The following PBX3 variants were observed in gnomAD, a reference collection of about 807,000 sequenced individuals.
PBX3 encodes the protein pre-B-cell leukemia transcription factor 3.
Under a neutral mutation model 48.5 loss-of-function variants are expected in PBX3, and 14 were observed. The ratio of observed to expected loss-of-function variants is 0.29; its 90% confidence interval spans 0.19 to 0.45. PBX3 has a LOEUF of 0.45. PBX3 is among the 20% of genes least tolerant of loss of function. PBX3 has a pLI of 1.00. For missense variants in PBX3, 386 were observed against 546.7 expected (o/e 0.71, Z 2.93); for synonymous variants, 210 against 200.3 (o/e 1.05, Z -0.41).
At chr9:125,951,050 T>C (rs1295540686) in intron 5 of PBX3, among the ~76,000 whole-genome samples, 1 of 152,220 alleles carries the variant, frequency 6.6e-6, no homozygotes, top group Non-Finnish European at 1.5e-5. Flanking sequence ...TACATAAACT[T>C]TCTGACCTCA....
chr9:125,790,536 G>A (rs1055453078), intron 2 of PBX3, among the ~76,000 whole-genome samples: 3 of 151,536 alleles, frequency 2.0e-5, no homozygotes, highest in South Asian at 2.1e-4. Flanking sequence ...TTACAGGTAT[G>A]AGCCACCGTG....
chr9:125,816,642 G>C (rs1838472419), intron 2 of PBX3, among the ~76,000 whole-genome samples: 1 of 152,154 alleles, frequency 6.6e-6, no homozygotes, highest in Non-Finnish European at 1.5e-5. Context: ...AGAGATTAGT[G>C]CTCGAATCTT....
intron 3 of PBX3, among the ~76,000 whole-genome samples, chr9:125,919,833 C>T (rs1841419180): frequency 6.6e-6 from 1 of 152,174 alleles, no homozygotes; most frequent in African/African-American, 2.4e-5. Flanking sequence ...CAAAGCTAAG[C>T]AGACAGACTA....
intron 2 of PBX3, among the ~76,000 whole-genome samples, chr9:125,868,171 A>G (rs1159878580): frequency 6.7e-6 from 1 of 148,902 alleles, no homozygotes; most frequent in Non-Finnish European, 1.5e-5. Context: ...CACTACACCC[A>G]GACTGCAGTT....
At chr9:125,949,610 T>A (rs1286529630) in intron 5 of PBX3, among the ~76,000 whole-genome samples, 1 of 152,224 alleles carries the variant, frequency 6.6e-6, no homozygotes, top group Non-Finnish European at 1.5e-5. Flanking sequence ...GTTGAAAGCT[T>A]ACTATGCTTT....
chr9:125,946,544 G>C (rs1842067692), intron 5 of PBX3, among the ~76,000 whole-genome samples: 1 of 152,198 alleles, frequency 6.6e-6, no homozygotes, highest in Middle Eastern at 3.4e-3. Context: ...CATAAAAAAA[G>C]GGTCAAATAA....
At chr9:125,892,279 C>T (rs1840666200) in intron 2 of PBX3, among the ~76,000 whole-genome samples, 1 of 152,016 alleles carries the variant, frequency 6.6e-6, no homozygotes, top group South Asian at 2.1e-4. Context: ...TTTTTTTCTA[C>T]CCATTCAGAA....
chr9:125,895,535 A>G (rs1840749888), intron 2 of PBX3, among the ~76,000 whole-genome samples: 1 of 152,042 alleles, frequency 6.6e-6, no homozygotes, highest in South Asian at 2.1e-4. Flanking sequence ...TTTTAGCGCT[A>G]CAACGAACTT....
chr9:125,943,475 CTG>C (rs939563407), intron 5 of PBX3, among the ~76,000 whole-genome samples: 26 of 148,674 alleles, frequency 1.7e-4, no homozygotes, highest in African/African-American at 6.4e-4. Flanking sequence ...ATAATCAGAA[CTG>C]TGGTTCCTCC....
At chr9:125,866,295 A>G (rs139297371) in intron 2 of PBX3, among the ~76,000 whole-genome samples, 1 of 152,282 alleles carries the variant, frequency 6.6e-6, no homozygotes, top group African/African-American at 2.4e-5. Flanking sequence ...CAGTTTTGTC[A>G]CATACTGTGT....
At chr9:125,830,377 T>C (rs564894299) in intron 2 of PBX3, among the ~76,000 whole-genome samples, 21 of 152,262 alleles carry the variant, frequency 1.4e-4, no homozygotes, top group Admixed American at 1.4e-3. Flanking sequence ...TTAACTGAAG[T>C]ATAGCATAAA....
intron 4 of PBX3, among the ~76,000 whole-genome samples, chr9:125,930,835 G>A (rs554465267): frequency 3.9e-5 from 6 of 152,100 alleles, no homozygotes; most frequent in South Asian, 4.1e-4. Flanking sequence ...TAACATCACC[G>A]TGCTACCATG....
chr9:125,835,402 C>A (rs1030183755), intron 2 of PBX3, among the ~76,000 whole-genome samples: 1 of 151,856 alleles, frequency 6.6e-6, no homozygotes, highest in Non-Finnish European at 1.5e-5. Flanking sequence ...TACTGACTTG[C>A]AAGAGTCAAA....
At chr9:125,920,057 G>A (rs1217134615) in intron 3 of PBX3, among the ~76,000 whole-genome samples, 5 of 152,088 alleles carry the variant, frequency 3.3e-5, no homozygotes, top group Admixed American at 3.3e-4. Flanking sequence ...ATTAGGCATG[G>A]GATGTATATT....
chr9:125,780,228 C>T (rs1837222155), intron 2 of PBX3, among the ~76,000 whole-genome samples: 1 of 131,272 alleles, frequency 7.6e-6, no homozygotes, highest in Non-Finnish European at 1.6e-5. Context: ...GGTCGGCTGG[C>T]CGGGCGGGGG....
chr9:125,910,547 G>A (rs1005006866), intron 2 of PBX3, among the ~76,000 whole-genome samples: 1 of 151,860 alleles, frequency 6.6e-6, no homozygotes, highest in East Asian at 1.9e-4. Context: ...CTAGGTTGGC[G>A]TGGAAATGTG....
intron 3 of PBX3, among the ~76,000 whole-genome samples, chr9:125,920,100 A>G (rs1841424968): frequency 6.6e-6 from 1 of 152,186 alleles, no homozygotes; most frequent in South Asian, 2.1e-4. Flanking sequence ...CTGCCACCCA[A>G]AAGGAAACAA....
At chr9:125,925,381 C>T (rs1486168912) in intron 3 of PBX3, among the ~76,000 whole-genome samples, 1 of 152,138 alleles carries the variant, frequency 6.6e-6, no homozygotes, top group African/African-American at 2.4e-5. Context: ...GTAAAATACA[C>T]ACTAGATTTC....
intron 2 of PBX3, among the ~76,000 whole-genome samples, chr9:125,826,818 C>G (rs1443805939): frequency 6.6e-6 from 1 of 152,012 alleles, no homozygotes; most frequent in African/African-American, 2.4e-5. Context: ...GTGTAATGAT[C>G]AAGTCAGAGT....
Sources: gnomAD v4.1 joint callset for allele counts (sites outside exome capture counted in the v4.1 genomes callset) on GRCh38, gnomAD v4.1.1 for gene constraint, MANE v1.5 for transcripts, NCBI Gene and HGNC (gene_info 2026-07-23, HGNC 2026-07-21) for gene names.